Variants in PRKN observed in about 807,000 individuals in gnomAD.
PRKN encodes the protein parkin RBR E3 ubiquitin protein ligase, also known as E3 ubiquitin-protein ligase parkin.
In PRKN, 56 loss-of-function variants were observed where a neutral mutation model predicts 59.5. That is an observed-to-expected ratio of 0.94 (90% CI 0.76 to 1.18). PRKN has a LOEUF of 1.18. PRKN is among the 50% of genes most tolerant of loss of function. The pLI is 0.00. For missense variants in PRKN, 657 were observed against 596.4 expected (o/e 1.10, Z -1.06); for synonymous variants, 250 against 222.1 (o/e 1.13, Z -1.12).
intron 6 of PRKN, among the ~76,000 whole-genome samples, chr6:161,959,979 C>A (rs1011829066): frequency 2.6e-5 from 4 of 152,186 alleles, no homozygotes; most frequent in Non-Finnish European, 5.9e-5. Context: ...TTCTGTGTTA[C>A]AACCTGCACA....
At chr6:162,241,846 T>G (rs562817527) in intron 3 of PRKN, among the ~76,000 whole-genome samples, 1 of 152,244 alleles carries the variant, frequency 6.6e-6, no homozygotes, top group South Asian at 2.1e-4. Flanking sequence ...TGCCAGGTTT[T>G]CTTCAACTTT....
intron 10 of PRKN, among the ~76,000 whole-genome samples, chr6:161,375,027 G>A (rs1486214983): frequency 6.6e-6 from 1 of 152,116 alleles, no homozygotes; most frequent in Non-Finnish European, 1.5e-5. Flanking sequence ...CTGTGGCCGT[G>A]CAGAGGAAGA....
chr6:162,475,005 G>T (rs1277431866), intron 1 of PRKN, among the ~76,000 whole-genome samples: 1 of 152,006 alleles, frequency 6.6e-6, no homozygotes, highest in Non-Finnish European at 1.5e-5. Flanking sequence ...TCTGAGAATT[G>T]TTTATTTTCC....
intron 9 of PRKN, among the ~76,000 whole-genome samples, chr6:161,536,535 G>A (rs1243140160): frequency 6.6e-6 from 1 of 152,150 alleles, no homozygotes; most frequent in Admixed American, 6.5e-5. Context: ...TTCTAACCAT[G>A]ACCTGATAGA....
intron 2 of PRKN, among the ~76,000 whole-genome samples, chr6:162,345,736 TTA>T (rs1217971520): frequency 6.6e-6 from 1 of 152,204 alleles, no homozygotes; most frequent in East Asian, 1.9e-4. Flanking sequence ...TCTTATGAAT[TTA>T]TATGACTTAT....
At chr6:162,700,202 A>T (rs1562507604) in intron 1 of PRKN, among the ~76,000 whole-genome samples, 1 of 152,180 alleles carries the variant, frequency 6.6e-6, no homozygotes, top group Non-Finnish European at 1.5e-5. Flanking sequence ...TAGGCATGTT[A>T]AACAAATTTG....
intron 2 of PRKN, chr6:162,267,239 T>C (rs747402411): frequency 5.3e-5 from 8 of 152,204 alleles, no homozygotes; most frequent in Non-Finnish European, 7.3e-5. Flanking sequence ...AAATCATTAA[T>C]TGCTTAATCT....
chr6:161,860,886 T>C (rs1207164719), intron 6 of PRKN, among the ~76,000 whole-genome samples: 2 of 152,142 alleles, frequency 1.3e-5, no homozygotes, highest in Admixed American at 1.3e-4. Flanking sequence ...TGAGATACCA[T>C]CTTACACCAG....
intron 1 of PRKN, among the ~76,000 whole-genome samples, chr6:162,541,837 AAG>A (rs1277516891): frequency 2.0e-5 from 3 of 151,984 alleles, no homozygotes; most frequent in African/African-American, 7.3e-5. Flanking sequence ...TTTGTCTAGC[AAG>A]AGAGTCTGGC....
intron 7 of PRKN, among the ~76,000 whole-genome samples, chr6:161,713,441 A>AG (rs946058016): frequency 1.2e-4 from 19 of 152,092 alleles, no homozygotes; most frequent in African/African-American, 3.9e-4. Flanking sequence ...GAGGCTCTCT[A>AG]GGGGGTGCAC....
At chr6:161,930,098 G>A (rs1488730864) in intron 6 of PRKN, among the ~76,000 whole-genome samples, 2 of 152,114 alleles carry the variant, frequency 1.3e-5, no homozygotes, top group Non-Finnish European at 2.9e-5. Context: ...CCATACTGGG[G>A]TTCAGACAGC....
chr6:162,357,626 A>C (rs1385460335), intron 2 of PRKN, among the ~76,000 whole-genome samples: 1 of 152,192 alleles, frequency 6.6e-6, no homozygotes, highest in Non-Finnish European at 1.5e-5. Context: ...TCCAGCAATC[A>C]CACTTTATTC....
At chr6:162,533,745 C>A (rs1237318374) in intron 1 of PRKN, among the ~76,000 whole-genome samples, 1 of 151,416 alleles carries the variant, frequency 6.6e-6, no homozygotes, top group Non-Finnish European at 1.5e-5. Flanking sequence ...CCGAGGCGGG[C>A]GGATCACCTG....
chr6:162,289,530 C>G (rs536315632), intron 2 of PRKN, among the ~76,000 whole-genome samples: 8 of 151,848 alleles, frequency 5.3e-5, no homozygotes, highest in Non-Finnish European at 1.0e-4. Flanking sequence ...AAACCCGTCT[C>G]TACTGAAAAT....
intron 6 of PRKN, among the ~76,000 whole-genome samples, chr6:161,912,377 C>A (rs1339244437): frequency 6.6e-6 from 1 of 151,964 alleles, no homozygotes; most frequent in African/African-American, 2.4e-5. Flanking sequence ...CTGGTGGTCA[C>A]CAGTAAACCA....
chr6:162,570,341 CT>C (rs995021136), intron 1 of PRKN, among the ~76,000 whole-genome samples: 1 of 152,138 alleles, frequency 6.6e-6, no homozygotes, highest in African/African-American at 2.4e-5. Context: ...AAAGGGAACC[CT>C]CATATACTGT....
chr6:162,463,918 G>A (rs1321775008), intron 1 of PRKN, among the ~76,000 whole-genome samples: 3 of 152,128 alleles, frequency 2.0e-5, no homozygotes, highest in Non-Finnish European at 2.9e-5. Flanking sequence ...CTCTGAAGCT[G>A]TTATTTTGTT....
At chr6:162,510,067 C>A (rs1777527013) in intron 1 of PRKN, among the ~76,000 whole-genome samples, 1 of 152,168 alleles carries the variant, frequency 6.6e-6, no homozygotes, top group African/African-American at 2.4e-5. Context: ...AAAGGCTTTG[C>A]TTTCTTCAGT....
At chr6:162,630,500 AG>A (rs1180226422) in intron 1 of PRKN, among the ~76,000 whole-genome samples, 2 of 152,162 alleles carry the variant, frequency 1.3e-5, no homozygotes, top group Admixed American at 6.6e-5. Context: ...GATGTGCCAG[AG>A]GTAATCATTA....
Sources: gnomAD v4.1 joint callset for allele counts (sites outside exome capture counted in the v4.1 genomes callset) on GRCh38, gnomAD v4.1.1 for gene constraint, MANE v1.5 for transcripts, NCBI Gene and HGNC (gene_info 2026-07-23, HGNC 2026-07-21) for gene names.